The following SLIT2 variants were observed in gnomAD, a reference collection of about 807,000 sequenced individuals.
The protein encoded by SLIT2 is slit guidance ligand 2, also known as slit homolog 2 protein.
In SLIT2, 41 loss-of-function variants were observed where a neutral mutation model predicts 185.7. The observed-to-expected ratio is 0.22, with a 90% CI of 0.17 to 0.29. The LOEUF (loss-of-function observed/expected upper bound fraction) is 0.29. Ranked by LOEUF, SLIT2 falls within the 10% of genes least tolerant of loss-of-function variation. SLIT2 has a pLI of 1.00. For synonymous variants in SLIT2, 693 were observed against 680.2 expected (o/e 1.02, Z -0.29); for missense variants, 1,571 against 1,909.0 (o/e 0.82, Z 3.30).
intron 4 of SLIT2, among the ~76,000 whole-genome samples, chr4:20,328,912 C>T (rs945239218): frequency 3.9e-5 from 6 of 151,906 alleles, no homozygotes; most frequent in African/African-American, 1.5e-4. Flanking sequence ...GTCTGTGTGT[C>T]TGCATGTGGG....
At chr4:20,429,111 G>A (rs75364775) in intron 4 of SLIT2, among the ~76,000 whole-genome samples, 3,292 of 152,214 alleles carry the variant, frequency 0.022, 62 homozygotes, top group Non-Finnish European at 0.03. Flanking sequence ...GGATCAGGCT[G>A]CCTCTTAAAC....
At chr4:20,381,863 A>T (rs1251090789) in intron 4 of SLIT2, among the ~76,000 whole-genome samples, 1 of 152,018 alleles carries the variant, frequency 6.6e-6, no homozygotes, top group Non-Finnish European at 1.5e-5. Context: ...CATAACAAAA[A>T]CATAAAACTC....
At chr4:20,353,410 C>T (rs1214428141) in intron 4 of SLIT2, among the ~76,000 whole-genome samples, 1 of 152,004 alleles carries the variant, frequency 6.6e-6, no homozygotes, top group Non-Finnish European at 1.5e-5. Context: ...TAGTATGAAA[C>T]TTAATTGTGA....
chr4:20,307,572 T>C (rs1344141119), intron 4 of SLIT2, among the ~76,000 whole-genome samples: 1 of 152,176 alleles, frequency 6.6e-6, no homozygotes, highest in African/African-American at 2.4e-5. Context: ...TTTCTTATTC[T>C]TGTTAGACAT....
chr4:20,543,448 G>C (rs1400951780), intron 21 of SLIT2, among the ~76,000 whole-genome samples: 2 of 152,062 alleles, frequency 1.3e-5, no homozygotes, highest in Non-Finnish European at 2.9e-5. Context: ...TCATATTCTG[G>C]ATATGCTTGT....
intron 11 of SLIT2, among the ~76,000 whole-genome samples, chr4:20,516,532 TC>T (rs1463258438): frequency 6.6e-6 from 1 of 152,206 alleles, no homozygotes; most frequent in Non-Finnish European, 1.5e-5. Context: ...AAATTTCTTT[TC>T]CTCCAACAGT....
chr4:20,585,189 T>C (rs1306698826), intron 29 of SLIT2, among the ~76,000 whole-genome samples: 1 of 152,246 alleles, frequency 6.6e-6, no homozygotes, highest in Non-Finnish European at 1.5e-5. Flanking sequence ...CAATATTTAT[T>C]ACCAGTTACA....
chr4:20,432,129 G>A (rs17537997), intron 4 of SLIT2, among the ~76,000 whole-genome samples: 20,123 of 151,988 alleles, frequency 0.13, 1,654 homozygotes, highest in Middle Eastern at 0.22. Context: ...AGGTGGCTGC[G>A]ATTTTGGCTG....
At chr4:20,468,000 G>A (rs1714546603) in intron 5 of SLIT2, among the ~76,000 whole-genome samples, 177 bp downstream of exon 5, 1 of 152,068 alleles carries the variant, frequency 6.6e-6, no homozygotes, top group African/African-American at 2.4e-5. Flanking sequence ...TTGACGAGAT[G>A]CTCATTTAGA....
chr4:20,587,145 A>C, intron 29 of SLIT2, among the ~76,000 whole-genome samples: 1 of 151,596 alleles, frequency 6.6e-6, no homozygotes, highest in Non-Finnish European at 1.5e-5. Flanking sequence ...CAGCCTCCCG[A>C]GTAGCTGGGA....
At chr4:20,527,526 C>T (rs1406044354) in intron 15 of SLIT2, among the ~76,000 whole-genome samples, 1 of 152,162 alleles carries the variant, frequency 6.6e-6, no homozygotes, top group Non-Finnish European at 1.5e-5. Context: ...ACCTTGTGAT[C>T]CGCCCGCCTT....
chr4:20,322,421 TAGGTAG>T, intron 4 of SLIT2, among the ~76,000 whole-genome samples: 1 of 152,266 alleles, frequency 6.6e-6, no homozygotes, highest in East Asian at 1.9e-4. Context: ...ATCAAGGTCA[TAGGTAG>T]ATAAGAGACA....
intron 30 of SLIT2, 81 bp from the exon 31 acceptor site, chr4:20,595,616 G>A: frequency 6.5e-7 from 1 of 1,535,596 alleles, no homozygotes. Flanking sequence ...TAAAGATGGT[G>A]CCATTGTGTC....
chr4:20,322,871 A>G lies in SLIT2; in HGVS notation c.395+53990A>G, dbSNP rs147434000. Among the ~76,000 whole-genome samples, 841 of 152,264 alleles carry G rather than the reference A, an allele frequency of 5.5e-3. 3 individuals carry two copies. Among genetic ancestry groups the G allele is most frequent in the Non-Finnish European group, 7.9e-3 (540 of 68,008 alleles). ...GGGCTCTTTATTACTCCATGTCAAT[A>G]CAACTTCACCTTCTAACCACCAGCT... On this transcript the variant is annotated intron_variant, in intron 4 of 36. Coordinates refer to ENST00000504154, the MANE Select transcript of SLIT2 (RefSeq NM_004787.4).
intron 9 of SLIT2, among the ~76,000 whole-genome samples, chr4:20,502,118 CTA>C (rs902922660): frequency 1.3e-5 from 2 of 152,040 alleles, no homozygotes; most frequent in Non-Finnish European, 2.9e-5. Context: ...AAGCAGAAAA[CTA>C]TATAATGCCT....
At chr4:20,583,905 T>C (rs1180062359) in intron 29 of SLIT2, among the ~76,000 whole-genome samples, 2 of 152,084 alleles carry the variant, frequency 1.3e-5, no homozygotes, top group Non-Finnish European at 2.9e-5. Context: ...ACTCCAGGTA[T>C]TATTTCTCAT....
At chr4:20,583,982 G>A (rs1293345300) in intron 29 of SLIT2, among the ~76,000 whole-genome samples, 1 of 151,952 alleles carries the variant, frequency 6.6e-6, no homozygotes, top group Non-Finnish European at 1.5e-5. Flanking sequence ...CAGTACCACA[G>A]GGGGCTCTGA....
At chr4:20,325,410 T>TGGGGTG (rs1719484678) in intron 4 of SLIT2, among the ~76,000 whole-genome samples, 19 of 38,736 alleles carry the variant, frequency 4.9e-4, no homozygotes, top group African/African-American at 1.7e-3. Context: ...AGGTCAGGGG[T>TGGGGTG]AGGGTGGGGG....
chr4:20,396,161 A>G (rs1725872811), intron 4 of SLIT2, among the ~76,000 whole-genome samples: 1 of 151,938 alleles, frequency 6.6e-6, no homozygotes, highest in Non-Finnish European at 1.5e-5. Context: ...CTGATTTTTT[A>G]ACACAGCAGA....
Sources: allele counts gnomAD v4.1 joint callset (sites outside exome capture counted in the v4.1 genomes callset), GRCh38; gene constraint gnomAD v4.1.1; transcripts MANE v1.5; gene names NCBI Gene and HGNC (gene_info 2026-07-23, HGNC 2026-07-21).